SEZ6: variants seen among roughly 807,000 people sequenced by gnomAD.
The protein encoded by SEZ6 is seizure related 6 homolog, also known as seizure protein 6 homolog.
A neutral mutation model predicts 101.0 loss-of-function variants in SEZ6; 53 were observed. The ratio of observed to expected loss-of-function variants is 0.52; its 90% confidence interval spans 0.42 to 0.66. The LOEUF (loss-of-function observed/expected upper bound fraction) is 0.66. Among genes scored for constraint, SEZ6 ranks in the 30% least tolerant of loss-of-function variants. The pLI is 0.00. For synonymous variants in SEZ6, 488 were observed against 512.2 expected, an observed-to-expected ratio of 0.95 and a Z score of 0.64; for missense variants, 1,102 against 1,289.4, an observed-to-expected ratio of 0.85 and a Z score of 2.23.
At chr17:28,958,967 C>G (rs564145183) in intron 10 of SEZ6, 58 bp downstream of exon 10, 4 of 1,545,942 alleles carry the variant, frequency 2.6e-6, no homozygotes, top group Non-Finnish European at 2.6e-6. Flanking sequence ...CTGCCCTAGC[C>G]TCTTTGGCTT....
intron 1 of SEZ6, among the ~76,000 whole-genome samples, chr17:28,982,392 C>T (rs1416953668): frequency 2.6e-5 from 4 of 152,156 alleles, no homozygotes; most frequent in African/African-American, 9.7e-5. Flanking sequence ...TATTTGCCAT[C>T]CCTAATGAAG....
chr17:28,979,748 G>A lies in SEZ6; in HGVS notation c.790C>T (p.Pro264Ser), dbSNP rs2041271677. The A allele has an allele frequency of 1.9e-6, 3 of 1,613,714 alleles. No homozygotes were observed. The highest frequency in any genetic ancestry group is 2.2e-5 in the East Asian group (1 of 44,872). The change falls in exon 3 of 17, where the codon CCC (proline) becomes TCC (serine). Residue 264 changes from proline to serine, a missense_variant. By Grantham distance (74) the Pro-to-Ser change is moderately conservative (BLOSUM62 -1). This residue lies in a region of SEZ6 where 406 missense variants were observed against 418.6 expected (regional missense o/e 0.97). Coordinates refer to ENST00000317338, the MANE Select transcript of SEZ6 (RefSeq NM_178860.5). ...AAGCAGTCCAGGCCAACATCAGTGGGGGAGCTGAGGTCTGTAGGGGAGTCC... is the reference window on the plus strand; with the variant it reads ...AAGCAGTCCAGGCCAACATCAGTGGAGGAGCTGAGGTCTGTAGGGGAGTCC... ...SLDSPTDLSS[P>S]TDVGLDCFFY...
intron 4 of SEZ6, 123 bp from the exon 5 acceptor site, chr17:28,964,270 T>A: frequency 2.9e-6 from 3 of 1,017,774 alleles, no homozygotes; most frequent in Non-Finnish European, 4.3e-6. Context: ...GAGGAAGCAC[T>A]AGGAGTTCCA....
At chr17:28,966,509 G>A (rs2041071187) in intron 4 of SEZ6, among the ~76,000 whole-genome samples, 1 of 152,078 alleles carries the variant, frequency 6.6e-6, no homozygotes, top group Non-Finnish European at 1.5e-5. Flanking sequence ...CCTGGCTTGC[G>A]TCTAAGAGGT....
At chr17:28,973,167 T>TA (rs775091388) in intron 3 of SEZ6, among the ~76,000 whole-genome samples, 1 of 152,054 alleles carries the variant, frequency 6.6e-6, no homozygotes, top group Non-Finnish European at 1.5e-5. Context: ...AGATAGGTGG[T>TA]AAAATACCCA....
Position 28,981,975 on chromosome 17 carries a change from G to T in SEZ6, c.120C>A (p.Gly40=), listed in dbSNP as rs766634019. ...CAGGTGTGGGGGCTGCTGTCAGCTC[G>T]CCATCTGTCTCCTCGATGCCTGGGG... ...GQAPGIEETD[G]ELTAAPTPEQ... The change falls in exon 2 of 17, where the codon GGC becomes GGA. Residue 40 remains glycine (G), a synonymous_variant. Coordinates refer to ENST00000317338, the MANE Select transcript of SEZ6 (RefSeq NM_178860.5). 1 of 1,612,822 alleles carries T rather than the reference G, an allele frequency of 6.2e-7. No homozygotes were observed. The highest frequency in any genetic ancestry group is 1.3e-5 in the African/African-American group (1 of 74,900).
intron 11 of SEZ6, 141 bp from the exon 12 acceptor site, chr17:28,957,680 A>G (rs2152683058): frequency 3.1e-6 from 3 of 979,568 alleles, no homozygotes; most frequent in South Asian, 1.7e-5. Context: ...CCATTATGCT[A>G]GTGTGTCCCC....
rs1483680104 is a variant in SEZ6, at chr17:28,987,354, C to T, written c.56-5315G>A. The stretch of plus-strand genomic sequence containing the variant: ...TCCTTACAGTGACAATTCCACGGGC[C>T]CAGCCCTGCCCTCTGTACTGTGAGG... On this transcript the variant is annotated intron_variant, in intron 1 of 16. Transcript: ENST00000317338. Among the ~76,000 whole-genome samples the T allele has an allele frequency of 3.3e-5, 5 of 152,242 alleles. No homozygotes were observed. In the South Asian group the frequency reaches 6.2e-4, roughly 19 times the overall value.
chr17:28,958,070 C>G lies in SEZ6; in HGVS notation c.2179G>C (p.Glu727Gln). The change falls in exon 11 of 17, where the codon GAG (glutamate) becomes CAG (glutamine). Residue 727 changes from glutamate to glutamine, a missense_variant. Physicochemically the swap from Glu to Gln is conservative, Grantham distance 29. This residue lies in a region of SEZ6 where 556 missense variants were observed against 735.1 expected (regional missense o/e 0.76). Coordinates refer to ENST00000317338, the MANE Select transcript of SEZ6 (RefSeq NM_178860.5). ...GTGACCACGGTGCCGTGCACTAGCT[C>G]AGGCTGCGATGGGCTCTTCCAGCCA... ...PNGWKSPSQP[E>Q]LVHGTVVTYQ... 1.2e-6 allele frequency: 2 copies of G among 1,612,754 alleles called. No homozygotes were observed. The highest frequency in any genetic ancestry group is 1.7e-6 in the Non-Finnish European group (2 of 1,178,912).
chr17:28,957,980 T>G lies in SEZ6; in HGVS notation c.2269A>C (p.Thr757Pro). The stretch of plus-strand genomic sequence containing the variant: ...CATGAGGGCAGGTCCTCACTCCAAG[T>G]TAGGTCCCACTGGCACATGAGGACA... ...SSVLMCQWDLTWSEDLPSCQR... is the reference protein window; with the variant it reads ...SSVLMCQWDLPWSEDLPSCQR... Residue 757 changes from threonine to proline, a missense_variant, in exon 11 of 17, where the codon ACT (threonine) becomes CCT (proline). By Grantham distance (38) the Thr-to-Pro change is conservative (BLOSUM62 -1). Transcript: ENST00000317338. The G allele has an allele frequency of 6.2e-7, 1 of 1,613,934 alleles. No homozygotes were observed. Among genetic ancestry groups the G allele is most frequent in the East Asian group, 2.2e-5 (1 of 44,884 alleles).
chr17:28,987,474 C>T (rs2041399930), intron 1 of SEZ6, among the ~76,000 whole-genome samples: 1 of 152,186 alleles, frequency 6.6e-6, no homozygotes. Flanking sequence ...AAATAATTAC[C>T]CCGACAGTGT....
chr17:28,988,480 G>A (rs1422823879), intron 1 of SEZ6, among the ~76,000 whole-genome samples: 1 of 152,184 alleles, frequency 6.6e-6, no homozygotes, highest in Non-Finnish European at 1.5e-5. Flanking sequence ...CCCTTGGCCA[G>A]CAAGGTGAGC....
intron 2 of SEZ6, among the ~76,000 whole-genome samples, chr17:28,980,299 C>T (rs2041281433): frequency 6.6e-6 from 1 of 151,276 alleles, no homozygotes; most frequent in Admixed American, 6.6e-5. Context: ...CCTCTGCCTC[C>T]TGGGTTCAAG....
At chr17:28,994,476 G>A (rs1244303214) in intron 1 of SEZ6, among the ~76,000 whole-genome samples, 4 of 151,954 alleles carry the variant, frequency 2.6e-5, no homozygotes, top group Non-Finnish European at 5.9e-5. Flanking sequence ...GGGTTTCACC[G>A]TGTTAGCCAG....
At chr17:28,995,053 G>A (rs566954244) in intron 1 of SEZ6, among the ~76,000 whole-genome samples, 4 of 146,634 alleles carry the variant, frequency 2.7e-5, no homozygotes, top group Non-Finnish European at 3.0e-5. Flanking sequence ...TTTGTATTTT[G>A]TAGTACAGAC....
At chr17:28,976,744 CA>C (rs2041226575) in intron 3 of SEZ6, among the ~76,000 whole-genome samples, 2 of 152,238 alleles carry the variant, frequency 1.3e-5, no homozygotes, top group African/African-American at 4.8e-5. Flanking sequence ...CGCCCCTACA[CA>C]ACAAAGCCAC....
chr17:28,972,248 A>G (rs1567990155), intron 3 of SEZ6, among the ~76,000 whole-genome samples: 1 of 152,242 alleles, frequency 6.6e-6, no homozygotes, highest in East Asian at 1.9e-4. Context: ...ATGTTGGGTC[A>G]CAGTGCCCTC....
intron 1 of SEZ6, among the ~76,000 whole-genome samples, chr17:28,992,030 G>A (rs918905047): frequency 6.6e-6 from 1 of 152,160 alleles, no homozygotes; most frequent in Non-Finnish European, 1.5e-5. Flanking sequence ...CAGCAGCACC[G>A]AGGGCAGAGT....
rs1484039433 is a variant in SEZ6, at chr17:29,005,769, C to T, written c.55+46G>A. On this transcript the variant is annotated intron_variant, in intron 1 of 16. Coordinates refer to ENST00000317338, the MANE Select transcript of SEZ6 (RefSeq NM_178860.5). The surrounding 1 kb of genome is among the most constrained non-coding windows in gnomAD (Gnocchi z 4.8). ...CGGGTCTCCCTTCCCACCCCTGGGGCCCCGCTCCCGCCCCCGTCCTGCCGC... is the reference window on the plus strand; with the variant it reads ...CGGGTCTCCCTTCCCACCCCTGGGGTCCCGCTCCCGCCCCCGTCCTGCCGC... 1.4e-6 allele frequency: 2 copies of T among 1,469,840 alleles called. No homozygotes were observed. The highest frequency in any genetic ancestry group is 1.8e-6 in the Non-Finnish European group (2 of 1,109,464). The allele number at this position is 1,469,840 out of a possible 1,614,324, so 91.0% of individuals were successfully genotyped here.
Sources: gnomAD v4.1 joint callset for allele counts (sites outside exome capture counted in the v4.1 genomes callset) on GRCh38, gnomAD v4.1.1 for gene constraint, gnomAD v4.1.1 regional missense constraint, Gnocchi (gnomAD v3.1) non-coding constraint, MANE v1.5 for transcripts, NCBI Gene and HGNC (gene_info 2026-07-23, HGNC 2026-07-21) for gene names.